The following SH3D19 variants were observed in gnomAD, a reference collection of about 807,000 sequenced individuals.
The protein encoded by SH3D19 is SH3 domain-containing protein 19.
SH3D19 carries 58 observed loss-of-function variants against 112.1 expected under a neutral mutation model. That is an observed-to-expected ratio of 0.52 (90% CI 0.42 to 0.64). The LOEUF is 0.64. Ranked by LOEUF, SH3D19 falls within the 30% of genes least tolerant of loss-of-function variation. SH3D19 has a pLI of 0.00. For synonymous variants in SH3D19, 391 were observed against 448.5 expected, an observed-to-expected ratio of 0.87 and a Z score of 1.62; for missense variants, 1,090 against 1,263.4, an observed-to-expected ratio of 0.86 and a Z score of 2.08.
chr4:151,279,880 A>C (rs559376143), intron 1 of SH3D19: 4 of 1,491,828 alleles, frequency 2.7e-6, no homozygotes, highest in East Asian at 2.2e-5. Flanking sequence ...GTCAGCCTAC[A>C]CTTTGACCAC....
intron 1 of SH3D19, among the ~76,000 whole-genome samples, chr4:151,301,363 G>T (rs1728402290): frequency 6.6e-6 from 1 of 152,220 alleles, no homozygotes; most frequent in South Asian, 2.1e-4. Flanking sequence ...GAGTAGCTGG[G>T]ATTACAGACA....
chr4:151,234,735 G>GTTTGTGT (rs1561387745), intron 1 of SH3D19, among the ~76,000 whole-genome samples: 1 of 25,080 alleles, frequency 4.0e-5, no homozygotes. Context: ...CCAAGTTTGT[G>GTTTGTGT]TTTTTTTTTT....
At chr4:151,236,949 G>A (rs1462149792) in intron 1 of SH3D19, among the ~76,000 whole-genome samples, 2 of 152,158 alleles carry the variant, frequency 1.3e-5, no homozygotes, top group African/African-American at 2.4e-5. Flanking sequence ...TGTGGGTGGG[G>A]CCAGATAAGG....
At chr4:151,151,239 G>A (rs916196320) in intron 9 of SH3D19, among the ~76,000 whole-genome samples, 7 of 152,118 alleles carry the variant, frequency 4.6e-5, no homozygotes, top group Non-Finnish European at 7.3e-5. Flanking sequence ...GGGATTACAC[G>A]CGTGAGCCAC....
chr4:151,255,733 C>A (rs1269042686), intron 1 of SH3D19, among the ~76,000 whole-genome samples: 3 of 152,218 alleles, frequency 2.0e-5, no homozygotes, highest in Non-Finnish European at 2.9e-5. Context: ...CCAGCCTGGG[C>A]ACCATTGAGC....
chr4:151,124,009 T>A (rs996208669), intron 19 of SH3D19, among the ~76,000 whole-genome samples: 3 of 152,196 alleles, frequency 2.0e-5, no homozygotes, highest in Admixed American at 2.0e-4. Flanking sequence ...TATAAATAAG[T>A]TCCTTCTGGT....
At position 151,143,861 on chromosome 4, in the gene SH3D19, A is replaced by G. The variant is rs1390472789; in HGVS notation, c.2223+49T>C. On this transcript the variant is annotated intron_variant, in intron 12 of 19. Coordinates refer to ENST00000604030, the MANE Select transcript of SH3D19 (RefSeq NM_001378122.1). ...GAGATATAATTAATAGTTCCATGAA[A>G]TGTGCTGCTATGTGTGATATGAGGG... The G allele has an allele frequency of 2.0e-6, 3 of 1,535,628 alleles. No homozygotes were observed. The East Asian group carries it at 6.9e-5, about 35-fold the overall frequency.
intron 1 of SH3D19, among the ~76,000 whole-genome samples, chr4:151,241,896 T>TA (rs1478092421): frequency 6.7e-6 from 1 of 150,304 alleles, no homozygotes; most frequent in Admixed American, 6.6e-5. Context: ...TTAAAAATTT[T>TA]AAAGTTCATA....
In SH3D19 at chr4:151,182,396, G is replaced by A. The variant is rs559548041; in HGVS notation, c.194-2999C>T. ...TTAAAGTATGAATAGTACTTAAAAG[G>A]TAATTCAGTAGTCGATCTACATTGT... On this transcript the variant is annotated intron_variant, in intron 3 of 19. Coordinates refer to ENST00000604030, the MANE Select transcript of SH3D19 (RefSeq NM_001378122.1). Among the ~76,000 whole-genome samples the A allele has an allele frequency of 4.3e-4, 66 of 152,260 alleles. No homozygotes were observed. The Middle Eastern group carries it at 0.02, about 47-fold the overall frequency.
At chr4:151,173,541 C>T (rs1453873773) in intron 7 of SH3D19, among the ~76,000 whole-genome samples, 2 of 152,132 alleles carry the variant, frequency 1.3e-5, no homozygotes, top group Non-Finnish European at 2.9e-5. Context: ...TAATGTATGT[C>T]TCAGTATTTA....
chr4:151,265,997 A>G (rs1772762259), intron 1 of SH3D19: 1 of 152,180 alleles, frequency 6.6e-6, no homozygotes, highest in African/African-American at 2.4e-5. Flanking sequence ...GAATCATCTA[A>G]AACTGAAAGT....
At chr4:151,158,690 A>T (rs1257457487) in intron 9 of SH3D19, among the ~76,000 whole-genome samples, 1 of 151,814 alleles carries the variant, frequency 6.6e-6, no homozygotes, top group African/African-American at 2.4e-5. Context: ...ACCAAAAAAA[A>T]AAAATAAATA....
chr4:151,241,305 G>A (rs374468892), intron 1 of SH3D19, among the ~76,000 whole-genome samples: 4 of 151,652 alleles, frequency 2.6e-5, no homozygotes, highest in East Asian at 3.9e-4. Context: ...AAATAAATAC[G>A]TAAATAAATA....
At chr4:151,271,952 G>A (rs1359943409) in intron 1 of SH3D19, among the ~76,000 whole-genome samples, 1 of 152,038 alleles carries the variant, frequency 6.6e-6, no homozygotes, top group East Asian at 1.9e-4. Flanking sequence ...AATAATCTGG[G>A]GACAGATAAT....
intron 1 of SH3D19, among the ~76,000 whole-genome samples, chr4:151,287,933 G>A (rs975252689): frequency 6.6e-6 from 1 of 152,100 alleles, no homozygotes; most frequent in African/African-American, 2.4e-5. Context: ...ATAAACAACT[G>A]GGATTTATCC....
At chr4:151,143,864 T>G in intron 12 of SH3D19, 46 bp downstream of exon 12, 1 of 1,558,274 alleles carries the variant, frequency 6.4e-7, no homozygotes, top group Non-Finnish European at 8.7e-7. Flanking sequence ...CCATGAAATG[T>G]GCTGCTATGT....
chr4:151,252,147 C>G (rs1771466703), intron 1 of SH3D19, among the ~76,000 whole-genome samples: 1 of 152,196 alleles, frequency 6.6e-6, no homozygotes, highest in Admixed American at 6.5e-5. Flanking sequence ...TTTGCTTTCT[C>G]TTCTGTGTCA....
At chr4:151,308,487 A>C (rs919349319) in intron 1 of SH3D19, among the ~76,000 whole-genome samples, 2 of 152,208 alleles carry the variant, frequency 1.3e-5, no homozygotes, top group African/African-American at 2.4e-5. Flanking sequence ...GGGTACCACA[A>C]GACTCTGCCA....
At chr4:151,167,509 A>C (rs2149810857) in intron 7 of SH3D19, among the ~76,000 whole-genome samples, 1 of 152,226 alleles carries the variant, frequency 6.6e-6, no homozygotes, top group South Asian at 2.1e-4. Context: ...TTGAAAAACA[A>C]ACCCAGGATC....
Sources: gnomAD v4.1 joint callset for allele counts (sites outside exome capture counted in the v4.1 genomes callset) on GRCh38, gnomAD v4.1.1 for gene constraint, MANE v1.5 for transcripts, NCBI Gene and HGNC (gene_info 2026-07-23, HGNC 2026-07-21) for gene names.